The following PTCHD4 variants were observed in gnomAD, a reference collection of about 807,000 sequenced individuals.
PTCHD4 encodes patched domain containing 4.
PTCHD4 carries 33 observed loss-of-function variants against 58.1 expected under a neutral mutation model. That is an observed-to-expected ratio of 0.57 (90% confidence interval 0.43 to 0.76). PTCHD4 has a LOEUF of 0.76. Ranked by LOEUF, PTCHD4 falls within the 30% of genes least tolerant of loss-of-function variation. The pLI is 0.00. For synonymous variants in PTCHD4, 478 were observed against 409.6 expected (o/e 1.17, Z -2.02); for missense variants, 1,058 against 1,027.1 (o/e 1.03, Z -0.41).
chr6:47,949,123 A>G (rs1019887909), intron 4 of PTCHD4, among the ~76,000 whole-genome samples: 1 of 152,224 alleles, frequency 6.6e-6, no homozygotes, highest in Non-Finnish European at 1.5e-5. Flanking sequence ...TGCAGGGGCT[A>G]GGGATGTCAA....
chr6:48,056,146 T>G (rs1282105892), intron 3 of PTCHD4, among the ~76,000 whole-genome samples: 2 of 152,228 alleles, frequency 1.3e-5, no homozygotes, highest in Admixed American at 1.3e-4. Context: ...CTTTCTTATA[T>G]GCAAAACTGT....
intron 4 of PTCHD4, among the ~76,000 whole-genome samples, chr6:47,990,268 T>G (rs1407058459): frequency 1.3e-5 from 2 of 152,202 alleles, no homozygotes; most frequent in African/African-American, 2.4e-5. Flanking sequence ...GACTTTGGAC[T>G]ATGGACTTTT....
At chr6:47,884,474 T>C (rs1764121048) in intron 4 of PTCHD4, among the ~76,000 whole-genome samples, 1 of 152,180 alleles carries the variant, frequency 6.6e-6, no homozygotes, top group South Asian at 2.1e-4. Context: ...GTAATCCACC[T>C]CAAACTGATG....
chr6:47,964,075 C>T (rs1032143871), intron 4 of PTCHD4, among the ~76,000 whole-genome samples: 3 of 151,980 alleles, frequency 2.0e-5, no homozygotes, highest in South Asian at 2.1e-4. Flanking sequence ...TTCATTATTC[C>T]ACTTATAAGC....
intron 3 of PTCHD4, among the ~76,000 whole-genome samples, chr6:48,046,219 T>C (rs1764032332): frequency 1.3e-5 from 2 of 152,000 alleles, no homozygotes; most frequent in Admixed American, 6.6e-5. Flanking sequence ...CTTTTCATTG[T>C]ATATTGTTGG....
intron 4 of PTCHD4, chr6:47,899,636 A>G: frequency 1.2e-6 from 1 of 843,722 alleles, no homozygotes; most frequent in Non-Finnish European, 1.4e-6. Context: ...TTATTGTGAT[A>G]TAATGCCAAG....
intron 4 of PTCHD4, among the ~76,000 whole-genome samples, chr6:47,967,561 T>C (rs1465635382): frequency 6.6e-6 from 1 of 152,242 alleles, no homozygotes; most frequent in East Asian, 1.9e-4. Context: ...TCCTAGATGG[T>C]ATCTTCTTCC....
At chr6:47,989,626 A>G (rs111409671) in intron 4 of PTCHD4, among the ~76,000 whole-genome samples, 3,730 of 152,316 alleles carry the variant, frequency 0.024, 70 homozygotes, top group South Asian at 0.047. Flanking sequence ...AAGCCTTGGC[A>G]GCTTCCACAT....
intron 4 of PTCHD4, among the ~76,000 whole-genome samples, chr6:47,916,945 G>A (rs1210926832): frequency 1.5e-5 from 2 of 136,830 alleles, no homozygotes; most frequent in African/African-American, 5.2e-5. Context: ...GAAATTCCCT[G>A]GTTTAATAAA....
chr6:48,020,346 AACC>A (rs1763022140), intron 3 of PTCHD4, among the ~76,000 whole-genome samples: 1 of 152,150 alleles, frequency 6.6e-6, no homozygotes, highest in Non-Finnish European at 1.5e-5. Flanking sequence ...TTTTCCAAAG[AACC>A]ACCACTTCTG....
chr6:48,066,460 T>C (rs1033514477), intron 3 of PTCHD4, among the ~76,000 whole-genome samples: 1 of 152,190 alleles, frequency 6.6e-6, no homozygotes, highest in Non-Finnish European at 1.5e-5. Context: ...CTGAAGTTTA[T>C]ATATGACAAA....
At chr6:48,049,086 C>T (rs1764140844) in intron 3 of PTCHD4, among the ~76,000 whole-genome samples, 2 of 151,940 alleles carry the variant, frequency 1.3e-5, no homozygotes, top group Admixed American at 6.6e-5. Context: ...ACTCAATGTT[C>T]ATAGATCCAG....
intron 4 of PTCHD4, among the ~76,000 whole-genome samples, chr6:47,880,307 C>T (rs143154083): frequency 9.4e-4 from 143 of 152,264 alleles, no homozygotes; most frequent in African/African-American, 3.3e-3. Context: ...TTCAAATGAC[C>T]CTTAACATCA....
At chr6:47,881,604 A>C (rs114412653) in intron 4 of PTCHD4, among the ~76,000 whole-genome samples, 91 of 152,270 alleles carry the variant, frequency 6.0e-4, no homozygotes, top group African/African-American at 2.1e-3. Flanking sequence ...CTAACCAACA[A>C]TGTTTCCTAG....
At chr6:48,078,759 T>G (rs1478293951) in intron 1 of PTCHD4, among the ~76,000 whole-genome samples, 8 of 152,198 alleles carry the variant, frequency 5.3e-5, no homozygotes, top group Non-Finnish European at 1.0e-4. Context: ...TTCAAAGTAC[T>G]CTAAAAATGT....
chr6:47,889,377 G>A (rs2114120561), intron 4 of PTCHD4, among the ~76,000 whole-genome samples: 1 of 146,566 alleles, frequency 6.8e-6, no homozygotes, highest in African/African-American at 2.5e-5. Context: ...GTATCTCATT[G>A]TGGTTTTAAT....
At position 47,896,122 on chromosome 6, in the gene PTCHD4, TAC is replaced by T. The variant is rs549345247; in HGVS notation, c.899-16188_899-16187del. On this transcript the variant is annotated intron_variant, in intron 4 of 4. Transcript: ENST00000339488. Reference sequence around the variant, plus strand: ...ATAACCCCTGTGATCATCTCTTAACTACAGTTAAGGAAGATGGCAGAGAGATG... The same window carrying T: ...ATAACCCCTGTGATCATCTCTTAACTAGTTAAGGAAGATGGCAGAGAGATG... Among the ~76,000 whole-genome samples, 168 of 152,246 alleles carry T rather than the reference TAC, an allele frequency of 1.1e-3. 1 individual carries two copies. Among genetic ancestry groups the T allele is most frequent in the Non-Finnish European group, 2.2e-3 (147 of 68,044 alleles).
intron 4 of PTCHD4, among the ~76,000 whole-genome samples, chr6:47,926,392 C>T (rs1211171839): frequency 6.6e-6 from 1 of 152,138 alleles, no homozygotes; most frequent in Non-Finnish European, 1.5e-5. Context: ...TTTTCTGTAA[C>T]TTAAAATCCC....
At position 47,869,582 on chromosome 6, in the gene PTCHD4, C is replaced by A. The variant is rs1187268859; in HGVS notation, c.*8721G>T. On this transcript the variant is annotated 3_prime_UTR_variant, in exon 5 of 5. Coordinates refer to ENST00000339488, the MANE Select transcript of PTCHD4 (RefSeq NM_001384253.1). The stretch of plus-strand genomic sequence containing the variant: ...TATGTGTTTTAGAGACATTTGTGAA[C>A]TTAGGGATTCATAAAAATATCTCTC... 6.6e-6 allele frequency among the ~76,000 whole-genome samples: 1 copy of A among 151,420 alleles called. No individual in the cohort carries two copies. Among genetic ancestry groups the A allele is most frequent in the African/African-American group, 2.4e-5 (1 of 41,296 alleles).
Sources: gnomAD v4.1 joint callset for allele counts (sites outside exome capture counted in the v4.1 genomes callset) on GRCh38, gnomAD v4.1.1 for gene constraint, MANE v1.5 for transcripts, NCBI Gene and HGNC (gene_info 2026-07-23, HGNC 2026-07-21) for gene names.